The following GAS2 variants were observed in gnomAD, a reference collection of about 807,000 sequenced individuals.
GAS2 encodes the protein growth arrest-specific protein 2.
A neutral mutation model predicts 37.5 loss-of-function variants in GAS2; 20 were observed. The ratio of observed to expected loss-of-function variants is 0.53; its 90% CI spans 0.37 to 0.77. The LOEUF is 0.77. GAS2 is among the 30% of genes least tolerant of loss of function. The probability of loss-of-function intolerance (pLI) is 0.00; values close to 1 mark genes in which losing one functional copy is unlikely to be tolerated. For missense variants in GAS2, 336 were observed against 373.4 expected (o/e 0.90, Z 0.82); for synonymous variants, 144 against 132.2 (o/e 1.09, Z -0.61).
At chr11:22,745,895 C>A (rs1394167240) in intron 5 of GAS2, among the ~76,000 whole-genome samples, 1 of 152,070 alleles carries the variant, frequency 6.6e-6, no homozygotes, top group Non-Finnish European at 1.5e-5. Flanking sequence ...TGAAGCCAGG[C>A]ACAATGGCTG....
intron 3 of GAS2, among the ~76,000 whole-genome samples, chr11:22,725,095 A>G (rs543101069): frequency 2.6e-5 from 4 of 152,088 alleles, no homozygotes; most frequent in Non-Finnish European, 2.9e-5. Flanking sequence ...ACCCGAAGTC[A>G]TGCTCATTCT....
intron 3 of GAS2, among the ~76,000 whole-genome samples, chr11:22,718,955 T>C (rs1365329263): frequency 2.0e-5 from 3 of 152,100 alleles, no homozygotes; most frequent in Admixed American, 6.6e-5. Flanking sequence ...CTTCCTATAC[T>C]TTCCCCTTTG....
At chr11:22,801,017 A>C (rs1201763268) in intron 7 of GAS2, among the ~76,000 whole-genome samples, 1 of 150,688 alleles carries the variant, frequency 6.6e-6, no homozygotes, top group African/African-American at 2.5e-5. Flanking sequence ...ATTTTCTGTG[A>C]TCTACATGAA....
At chr11:22,730,845 C>G (rs192078196) in intron 4 of GAS2, among the ~76,000 whole-genome samples, 1 of 151,718 alleles carries the variant, frequency 6.6e-6, no homozygotes, top group Admixed American at 6.6e-5. Context: ...AGTTATTGGA[C>G]TGTATTAATC....
intron 3 of GAS2, among the ~76,000 whole-genome samples, chr11:22,720,821 T>A (rs1403231930): frequency 6.6e-6 from 1 of 152,104 alleles, no homozygotes; most frequent in African/African-American, 2.4e-5. Flanking sequence ...TATTAAATTT[T>A]CAGTTCGCAC....
intron 1 of GAS2, among the ~76,000 whole-genome samples, chr11:22,627,937 G>GA (rs930458484): frequency 3.3e-5 from 5 of 152,138 alleles, no homozygotes; most frequent in Non-Finnish European, 5.9e-5. Context: ...TAAGGAGGTG[G>GA]AAAAAATCCA....
At chr11:22,721,819 T>G (rs1367076371) in intron 3 of GAS2, among the ~76,000 whole-genome samples, 1 of 152,006 alleles carries the variant, frequency 6.6e-6, no homozygotes, top group Non-Finnish European at 1.5e-5. Flanking sequence ...TATTTGGCAG[T>G]CTATTTCTGA....
chr11:22,807,075 T>C (rs1350497216), intron 7 of GAS2, among the ~76,000 whole-genome samples: 5 of 152,170 alleles, frequency 3.3e-5, no homozygotes, highest in Non-Finnish European at 5.9e-5. Flanking sequence ...TTATGTATGT[T>C]TTCATTTTTT....
chr11:22,732,722 A>G (rs973032305), intron 4 of GAS2, among the ~76,000 whole-genome samples: 2 of 151,346 alleles, frequency 1.3e-5, no homozygotes, highest in South Asian at 4.2e-4. Flanking sequence ...AAATGCCTAT[A>G]ATATTTATTA....
intron 2 of GAS2, among the ~76,000 whole-genome samples, chr11:22,682,667 C>A (rs910848769): frequency 4.6e-5 from 7 of 151,810 alleles, no homozygotes; most frequent in African/African-American, 1.7e-4. Flanking sequence ...ATCACTAGGT[C>A]AACAGATCGA....
At chr11:22,652,993 G>GTCTTTCTTTCTTTCTTTT (rs1848806368) in intron 1 of GAS2, among the ~76,000 whole-genome samples, 16 of 97,036 alleles carry the variant, frequency 1.6e-4, no homozygotes, top group African/African-American at 6.8e-4. Flanking sequence ...TTCTTTCTTT[G>GTCTTTCTTTCTTTCTTTT]TCTTTCTTTC....
chr11:22,723,908 G>A (rs1183985551), intron 3 of GAS2, among the ~76,000 whole-genome samples: 1 of 150,904 alleles, frequency 6.6e-6, no homozygotes, highest in Non-Finnish European at 1.5e-5. Context: ...TTTAAATTTG[G>A]TAGTATTGAT....
At chr11:22,667,502 A>G (rs1239020447) in intron 1 of GAS2, among the ~76,000 whole-genome samples, 2 of 152,132 alleles carry the variant, frequency 1.3e-5, no homozygotes, top group Non-Finnish European at 2.9e-5. Context: ...ACGCTAGCCG[A>G]TATATATCAA....
chr11:22,803,204 T>G (rs1429332103), intron 7 of GAS2, among the ~76,000 whole-genome samples: 1 of 152,110 alleles, frequency 6.6e-6, no homozygotes, highest in Non-Finnish European at 1.5e-5. Flanking sequence ...CAGTGAGATA[T>G]ACACTGGACA....
intron 1 of GAS2, among the ~76,000 whole-genome samples, chr11:22,667,765 T>C (rs1849041458): frequency 6.6e-6 from 1 of 152,222 alleles, no homozygotes. Flanking sequence ...TTCTACATTC[T>C]AAAAACAATT....
intron 7 of GAS2, among the ~76,000 whole-genome samples, chr11:22,785,518 T>C (rs1311740439): frequency 6.6e-6 from 1 of 152,212 alleles, no homozygotes; most frequent in African/African-American, 2.4e-5. Context: ...GAATAATGTA[T>C]GTGTTGATTA....
chr11:22,772,538 G>A (rs2134434645), intron 7 of GAS2, among the ~76,000 whole-genome samples: 2 of 152,216 alleles, frequency 1.3e-5, no homozygotes, highest in East Asian at 3.9e-4. Context: ...TCTTATTTTG[G>A]AATAAATTTT....
intron 1 of GAS2, among the ~76,000 whole-genome samples, chr11:22,632,384 T>G (rs183569267): frequency 1.4e-4 from 22 of 152,318 alleles, no homozygotes; most frequent in African/African-American, 5.1e-4. Context: ...ACCATAGCCC[T>G]TTCTGGCTTA....
chr11:22,701,177 T>A (rs1279441783), intron 3 of GAS2, among the ~76,000 whole-genome samples: 1 of 152,210 alleles, frequency 6.6e-6, no homozygotes, highest in Non-Finnish European at 1.5e-5. Flanking sequence ...GAAAATGTGT[T>A]ATTAAACAAT....
Sources: gnomAD v4.1 joint callset for allele counts (sites outside exome capture counted in the v4.1 genomes callset) on GRCh38, gnomAD v4.1.1 for gene constraint, MANE v1.5 for transcripts, NCBI Gene and HGNC (gene_info 2026-07-23, HGNC 2026-07-21) for gene names.